Variants in RASEF observed in about 807,000 individuals in gnomAD.
RASEF encodes ras and EF-hand domain-containing protein.
A neutral mutation model predicts 90.1 loss-of-function variants in RASEF; 68 were observed. The observed-to-expected ratio is 0.75, with a 90% CI of 0.62 to 0.92. The LOEUF (loss-of-function observed/expected upper bound fraction) is 0.92. Among genes scored for constraint, RASEF ranks in the 40% least tolerant of loss-of-function variants. The pLI, the probability that RASEF is intolerant of heterozygous loss-of-function variation, is 0.00. For missense variants in RASEF, 949 were observed against 937.2 expected (o/e 1.01, Z -0.16); for synonymous variants, 331 against 345.2 (o/e 0.96, Z 0.46).
At chr9:83,148,029 T>C in the RASEF span, among the ~76,000 whole-genome samples, 1 of 151,916 alleles carries the variant, frequency 6.6e-6, no homozygotes, top group Admixed American at 6.6e-5. Context: ...GATAGGAGGC[T>C]ATGGCAGGCC....
intron 1 of RASEF, among the ~76,000 whole-genome samples, chr9:83,031,980 G>T (rs2118601367): frequency 6.6e-6 from 1 of 152,154 alleles, no homozygotes; most frequent in South Asian, 2.1e-4. Context: ...ACACCTGATA[G>T]GAAAAGGAAA....
At chr9:83,024,762 C>A (rs116107465) in intron 2 of RASEF, among the ~76,000 whole-genome samples, 1 of 152,174 alleles carries the variant, frequency 6.6e-6, no homozygotes, top group East Asian at 1.9e-4. Flanking sequence ...TTTTCTACAT[C>A]GTAATGAACC....
At chr9:83,152,714 G>A in the RASEF span, among the ~76,000 whole-genome samples, 15 of 142,308 alleles carry the variant, frequency 1.1e-4, no homozygotes, top group South Asian at 2.3e-4. Flanking sequence ...ATATATATGC[G>A]CATGTGCGCA....
the RASEF span, among the ~76,000 whole-genome samples, chr9:83,143,279 A>G: frequency 1.3e-4 from 20 of 152,334 alleles, no homozygotes; most frequent in African/African-American, 4.8e-4. Context: ...GAAATTATCA[A>G]CAGTAAACAG....
the RASEF span, among the ~76,000 whole-genome samples, chr9:83,189,687 G>A: frequency 6.6e-6 from 1 of 152,066 alleles, no homozygotes; most frequent in Non-Finnish European, 1.5e-5. Flanking sequence ...CATAAATAAG[G>A]CAGATGTGAT....
chr9:82,998,391 CT>C lies in RASEF; in HGVS notation c.1778del (p.Gln593ArgfsTer44). 5.0e-6 allele frequency: 8 copies of C among 1,613,292 alleles called. No homozygotes were observed. Among genetic ancestry groups the C allele is most frequent in the Non-Finnish European group, 6.8e-6 (8 of 1,179,214 alleles). ...TCTCCTGACCAGCTGTATCCCAGAG[CT>C]GCAGAACTGTTCGTTCTCCATCCAC... ...LIVDGERTVL[Q>X]LWDTAGQERF... On this transcript the variant is annotated frameshift_variant, in exon 13 of 17. Coordinates refer to ENST00000376447, the MANE Select transcript of RASEF (RefSeq NM_152573.4). LOFTEE classifies it high-confidence loss of function.
chr9:83,214,783 T>A, the RASEF span, among the ~76,000 whole-genome samples: 1 of 151,996 alleles, frequency 6.6e-6, no homozygotes, highest in South Asian at 2.1e-4. Context: ...CCACCATGAT[T>A]GTGAGGCCTC....
the RASEF span, among the ~76,000 whole-genome samples, chr9:83,144,412 G>GAAAGAAAGAAATAAAT: frequency 8.1e-6 from 1 of 122,768 alleles, no homozygotes; most frequent in East Asian, 2.3e-4. Context: ...AAGAAAGAAA[G>GAAAGAAAGAAATAAAT]AAAGAAAAGA....
the RASEF span, among the ~76,000 whole-genome samples, chr9:83,136,663 C>T: frequency 6.6e-6 from 1 of 152,096 alleles, no homozygotes; most frequent in Admixed American, 6.6e-5. Context: ...GTTTATTTCA[C>T]ATATTTATTC....
the RASEF span, among the ~76,000 whole-genome samples, chr9:83,102,765 C>A: frequency 6.6e-6 from 1 of 152,080 alleles, no homozygotes; most frequent in Non-Finnish European, 1.5e-5. Flanking sequence ...CAGGGGCCAC[C>A]CCTTATTGTC....
At chr9:83,191,598 T>G in the RASEF span, among the ~76,000 whole-genome samples, 5 of 152,202 alleles carry the variant, frequency 3.3e-5, no homozygotes, top group Non-Finnish European at 7.3e-5. Flanking sequence ...GGTCTGTGAT[T>G]AGTTATATCA....
chr9:83,087,405 T>TTCTCTCTCTCTCTCTC, the RASEF span, among the ~76,000 whole-genome samples: 7,135 of 115,312 alleles, frequency 0.062, 599 homozygotes, highest in Non-Finnish European at 0.086. Context: ...TTCTCATTCA[T>TTCTCTCTCTCTCTCTC]TCTCTCTCTC....
rs1201671173 is a variant in RASEF at position 83,049,264 on chromosome 9, G to A, written c.431+13173C>T. ...ACAGCATCAGTACATTTCTAAAATC[G>A]ACACACATTTACAAAATCAATGACA... On this transcript the variant is annotated intron_variant, in intron 1 of 16. Transcript: ENST00000376447. 1.8e-5 allele frequency: 18 copies of A among 975,666 alleles called. No homozygotes were observed. In the South Asian group the frequency reaches 3.3e-4, roughly 18 times the overall value. 60.4% of individuals were successfully genotyped at this position (975,666 alleles called of 1,614,324 possible).
chr9:83,063,924 A>T (rs1830258663), upstream of RASEF, among the ~76,000 whole-genome samples: 7 of 152,334 alleles, frequency 4.6e-5, no homozygotes, highest in South Asian at 1.4e-3. Context: ...GGAGACCCTC[A>T]GTCTGTCATA....
chr9:83,002,439 G>A (rs549224186), intron 9 of RASEF, among the ~76,000 whole-genome samples: 2 of 151,876 alleles, frequency 1.3e-5, no homozygotes, highest in East Asian at 3.9e-4. Flanking sequence ...AGCTACGTGT[G>A]TGCATGTGTG....
chr9:83,093,622 G>A, the RASEF span, among the ~76,000 whole-genome samples: 1 of 152,234 alleles, frequency 6.6e-6, no homozygotes, highest in African/African-American at 2.4e-5. Context: ...CCAAGCCCAT[G>A]CCCACCCGGA....
chr9:83,179,790 T>G, the RASEF span, among the ~76,000 whole-genome samples: 1 of 152,040 alleles, frequency 6.6e-6, no homozygotes, highest in Non-Finnish European at 1.5e-5. Flanking sequence ...CCACCATTTG[T>G]GTAAAACACA....
the RASEF span, among the ~76,000 whole-genome samples, chr9:83,185,596 G>A: frequency 2.6e-5 from 4 of 152,064 alleles, no homozygotes; most frequent in South Asian, 8.3e-4. Flanking sequence ...GTAACCTGCA[G>A]TCTGATGTTC....
chr9:83,194,342 C>G, the RASEF span, among the ~76,000 whole-genome samples: 1 of 152,110 alleles, frequency 6.6e-6, no homozygotes, highest in South Asian at 2.1e-4. Flanking sequence ...CTGTAGACTG[C>G]TCCTCAATTT....
Sources: gnomAD v4.1 joint callset for allele counts (sites outside exome capture counted in the v4.1 genomes callset) on GRCh38, gnomAD v4.1.1 for gene constraint, MANE v1.5 for transcripts, NCBI Gene and HGNC (gene_info 2026-07-23, HGNC 2026-07-21) for gene names.